Variants in SLAMF7 observed in about 807,000 individuals in gnomAD.
SLAMF7 encodes the protein SLAM family member 7.
SLAMF7 carries 26 observed loss-of-function variants against 34.1 expected under a neutral mutation model. The observed-to-expected ratio is 0.76, with a 90% confidence interval of 0.56 to 1.06. SLAMF7 has a LOEUF of 1.06. Ranked by LOEUF, SLAMF7 falls within the 50% of genes least tolerant of loss-of-function variation. The probability of loss-of-function intolerance (pLI) is 0.00; values close to 1 mark genes in which losing one functional copy is unlikely to be tolerated. For synonymous variants in SLAMF7, 171 were observed against 156.4 expected, an observed-to-expected ratio of 1.09 and a Z score of -0.70; for missense variants, 399 against 402.5, an observed-to-expected ratio of 0.99 and a Z score of 0.07.
rs1038357015 is a variant in SLAMF7, at chr1:160,753,936, G to A, written c.*759G>A. 2.0e-5 allele frequency: 3 copies of A among 152,420 alleles called. No individual in the cohort carries two copies. The highest frequency in any genetic ancestry group is 7.2e-5 in the African/African-American group (3 of 41,452). The allele number at this position is 152,420 out of a possible 1,614,324, so 9.4% of individuals were successfully genotyped here. The stretch of plus-strand genomic sequence containing the variant: ...AGAAGTGTGCATGGCCCAAGGACAA[G>A]GACCTCCAGCCAGGCTTCATTTATG... On this transcript the variant is annotated 3_prime_UTR_variant, in exon 7 of 7. Coordinates refer to ENST00000368043, the MANE Select transcript of SLAMF7 (RefSeq NM_021181.5).
chr1:160,740,354 G>A (rs1571098885), intron 1 of SLAMF7, among the ~76,000 whole-genome samples: 2 of 152,024 alleles, frequency 1.3e-5, no homozygotes, highest in African/African-American at 4.8e-5. Flanking sequence ...AGGGAGATAA[G>A]GTGGAGGGGT....
rs1327660117 is a variant in SLAMF7, at chr1:160,748,456, G to T, written c.318G>T (p.Gly106=). 1.9e-6 allele frequency: 3 copies of T among 1,613,950 alleles called. No individual in the cohort carries two copies. Among genetic ancestry groups the T allele is most frequent in the Non-Finnish European group, 1.7e-6 (2 of 1,179,968 alleles). Residue 106 remains glycine, a synonymous_variant, in exon 2 of 7, where the codon GGG becomes GGT. Coordinates refer to ENST00000368043, the MANE Select transcript of SLAMF7 (RefSeq NM_021181.5). ...KKNDSGIYYV[G]IYSSSLQQPS... ...ATGACTCAGGGATCTACTATGTGGG[G>T]ATATACAGCTCATCACTCCAGCAGC...
rs1571139742 is a variant in SLAMF7, at chr1:160,754,128, G to C, written c.*951G>C. On this transcript the variant is annotated 3_prime_UTR_variant, in exon 7 of 7. Coordinates refer to ENST00000368043, the MANE Select transcript of SLAMF7 (RefSeq NM_021181.5). Reference sequence around the variant, plus strand: ...CAGTGGGTACTTGTAAACCTTTAAAGATGGTTAATTCATTCAATAGATATT... The same window carrying C: ...CAGTGGGTACTTGTAAACCTTTAAACATGGTTAATTCATTCAATAGATATT... The C allele has an allele frequency of 6.6e-6, 1 of 152,542 alleles. No homozygotes were observed. The highest frequency in any genetic ancestry group is 2.1e-4 in the South Asian group (1 of 4,826). 9.4% of individuals were successfully genotyped at this position (152,542 alleles called of 1,614,324 possible).
At chr1:160,752,055 C>G (rs1664676619) in intron 5 of SLAMF7, 131 bp from the exon 6 acceptor site, 12 of 668,626 alleles carry the variant, frequency 1.8e-5, no homozygotes, top group Middle Eastern at 2.5e-4. Context: ...GTTCCAGAAC[C>G]CTCCTTTTCC....
At chr1:160,745,026 G>A (rs185202600) in intron 1 of SLAMF7, among the ~76,000 whole-genome samples, 1 of 152,130 alleles carries the variant, frequency 6.6e-6, no homozygotes, top group African/African-American at 2.4e-5. Flanking sequence ...TTTAATAAAA[G>A]CTTGAGTAAT....
chr1:160,745,378 G>T (rs73015928), intron 1 of SLAMF7, among the ~76,000 whole-genome samples: 1,699 of 152,300 alleles, frequency 0.011, 36 homozygotes, highest in African/African-American at 0.039. Flanking sequence ...GAAGGCTGGA[G>T]CTGGTACAAA....
intron 2 of SLAMF7, 42 bp downstream of exon 2, chr1:160,748,556 A>T (rs1338893994): frequency 1.3e-6 from 2 of 1,555,264 alleles, no homozygotes; most frequent in East Asian, 2.3e-5. Context: ...TGCCTTGGTG[A>T]GGTGGTGAGC....
intron 1 of SLAMF7, among the ~76,000 whole-genome samples, chr1:160,743,834 G>A (rs1326681336): frequency 1.3e-5 from 2 of 152,154 alleles, no homozygotes; most frequent in Non-Finnish European, 2.9e-5. Context: ...GACCACAGGT[G>A]AATGCCACCA....
At chr1:160,743,099 G>A (rs1381812963) in intron 1 of SLAMF7, among the ~76,000 whole-genome samples, 1 of 152,182 alleles carries the variant, frequency 6.6e-6, no homozygotes, top group Non-Finnish European at 1.5e-5. Flanking sequence ...CTCTAATCCT[G>A]TGGACCAATC....
At chr1:160,752,384 CT>C in intron 6 of SLAMF7, 136 bp downstream of exon 6, 2 of 646,032 alleles carry the variant, frequency 3.1e-6, no homozygotes, top group Non-Finnish European at 5.5e-6. Context: ...TCCCCATTCC[CT>C]TTGCTTAGGG....
chr1:160,750,165 G>T, intron 3 of SLAMF7, 72 bp downstream of exon 3: 1 of 1,579,990 alleles, frequency 6.3e-7, no homozygotes, highest in South Asian at 1.2e-5. Context: ...TAGCCCCCAT[G>T]GGAACAGACA....
In SLAMF7 at chr1:160,754,326, C is replaced by T. The variant is rs1485357312; in HGVS notation, c.*1149C>T. 6.6e-6 allele frequency: 1 copy of T among 152,228 alleles called. No individual in the cohort carries two copies. The highest frequency in any genetic ancestry group is 2.4e-5 in the African/African-American group (1 of 41,394). The allele number at this position is 152,228 out of a possible 1,614,324, so 9.4% of individuals were successfully genotyped here. A position where few individuals can be genotyped will look rare whatever the true frequency, so the allele number is the denominator to read the frequency against. On this transcript the variant is annotated 3_prime_UTR_variant, in exon 7 of 7. Transcript: ENST00000368043. The stretch of plus-strand genomic sequence containing the variant: ...AATTTGCTGAGCGTGGTGGTGTGCA[C>T]CTGTAATCCCAGCTACTCGAGAGGC...
In SLAMF7 at chr1:160,741,142, C is replaced by T. The variant is rs928131525; in HGVS notation, c.55+1786C>T. Among the ~76,000 whole-genome samples the T allele has an allele frequency of 2.0e-5, 3 of 152,188 alleles. No homozygotes were observed. The South Asian group carries it at 6.2e-4, about 31-fold the overall frequency. On this transcript the variant is annotated intron_variant, in intron 1 of 6. Coordinates refer to ENST00000368043, the MANE Select transcript of SLAMF7 (RefSeq NM_021181.5). ...ATATGGGTGTACCAACAGGGGGCCA[C>T]CCTGGCTAAACTCAGAGGGTCCATG... is the stretch of plus-strand genomic sequence containing the variant.
chr1:160,748,128 A>T, intron 1 of SLAMF7, 66 bp from the exon 2 acceptor site: 1 of 1,528,812 alleles, frequency 6.5e-7, no homozygotes, highest in Non-Finnish European at 8.9e-7. Context: ...CAGGACCCAA[A>T]GGGGGTGAGT....
Position 160,742,750 on chromosome 1 carries a change from C to A in SLAMF7, c.55+3394C>A, listed in dbSNP as rs918356313. 1.1e-4 allele frequency among the ~76,000 whole-genome samples: 17 copies of A among 152,344 alleles called. No individual in the cohort carries two copies. In the East Asian group the frequency reaches 3.3e-3, roughly 29 times the overall value. ...AGGCAGAGGAACTAACTCCTCTTCCCTCTTCCAACATTTCTTCATTGGGGC... is the reference window on the plus strand; with the variant it reads ...AGGCAGAGGAACTAACTCCTCTTCCATCTTCCAACATTTCTTCATTGGGGC... On this transcript the variant is annotated intron_variant, in intron 1 of 6. Transcript: ENST00000368043.
chr1:160,750,639 G>A (rs763389840), intron 4 of SLAMF7: 10 of 468,324 alleles, frequency 2.1e-5, no homozygotes, highest in Admixed American at 2.0e-4. Flanking sequence ...CCAAGGACAC[G>A]GTTCTCCCAG....
rs371712826 is a variant in SLAMF7 at position 160,748,349 on chromosome 1, A to G, written c.211A>G (p.Ile71Val). ...CATACAGCCAGAAGGGGGCACTATC[A>G]TAGTGACCCAAAATCGTAATAGGGA... Reference protein sequence around the residue: ...VTIQPEGGTIIVTQNRNRERV... With the variant: ...VTIQPEGGTIVVTQNRNRERV... The change falls in exon 2 of 7, where the codon ATA becomes GTA. Residue 71 changes from isoleucine to valine, a missense_variant. Coordinates refer to ENST00000368043, the MANE Select transcript of SLAMF7 (RefSeq NM_021181.5). 6.2e-7 allele frequency: 1 copy of G among 1,613,964 alleles called. No homozygotes were observed. The highest frequency in any genetic ancestry group is 1.3e-5 in the African/African-American group (1 of 74,900).
In SLAMF7 at chr1:160,748,228, C is replaced by G; in HGVS notation, c.90C>G (p.Val30=). 1 of 1,613,954 alleles carries G rather than the reference C, an allele frequency of 6.2e-7. No individual in the cohort carries two copies. Among genetic ancestry groups the G allele is most frequent in the Non-Finnish European group, 8.5e-7 (1 of 1,179,934 alleles). ...CCTCTGGACCCGTGAAAGAGCTGGTCGGTTCCGTTGGTGGGGCCGTGACTT... is the reference window on the plus strand; with the variant it reads ...CCTCTGGACCCGTGAAAGAGCTGGTGGGTTCCGTTGGTGGGGCCGTGACTT... ...SAASGPVKEL[V]GSVGGAVTFP... The change falls in exon 2 of 7, where the codon GTC becomes GTG. Residue 30 remains valine, a synonymous_variant. Transcript: ENST00000368043.
intron 1 of SLAMF7, among the ~76,000 whole-genome samples, chr1:160,740,221 A>C (rs183877366): frequency 3.2e-4 from 49 of 151,918 alleles, no homozygotes; most frequent in African/African-American, 1.0e-3. Context: ...AATTCATCAG[A>C]AGTTTGTATT....
Sources: gnomAD v4.1 joint callset for allele counts (sites outside exome capture counted in the v4.1 genomes callset) on GRCh38, gnomAD v4.1.1 for gene constraint, MANE v1.5 for transcripts, NCBI Gene and HGNC (gene_info 2026-07-23, HGNC 2026-07-21) for gene names.